Variants in DCDC1 observed in about 807,000 individuals in gnomAD.
DCDC1 encodes the protein doublecortin domain containing 1.
Under a neutral mutation model 178.3 loss-of-function variants are expected in DCDC1, and 200 were observed. That is an observed-to-expected ratio of 1.12 (90% CI 1.00 to 1.26). DCDC1 has a LOEUF of 1.26. DCDC1 is among the 50% of genes most tolerant of loss of function. DCDC1 has a pLI of 0.00. For missense variants in DCDC1, 1,983 were observed against 1,749.2 expected (o/e 1.13, Z -2.38); for synonymous variants, 690 against 604.8 (o/e 1.14, Z -2.07).
intron 38 of DCDC1, among the ~76,000 whole-genome samples, chr11:30,876,389 G>A (rs887893736): frequency 3.3e-5 from 5 of 152,158 alleles, no homozygotes; most frequent in Admixed American, 1.3e-4. Flanking sequence ...CAAAGAGGAA[G>A]GTCAAGAGTA....
chr11:31,188,325 T>C (rs1346616234), intron 9 of DCDC1, among the ~76,000 whole-genome samples: 1 of 152,142 alleles, frequency 6.6e-6, no homozygotes, highest in Non-Finnish European at 1.5e-5. Flanking sequence ...CATTATCCAT[T>C]GCAGCATTAA....
intron 13 of DCDC1, among the ~76,000 whole-genome samples, chr11:31,104,050 C>T (rs1958687314): frequency 6.6e-6 from 1 of 152,014 alleles, no homozygotes; most frequent in African/African-American, 2.4e-5. Flanking sequence ...TTGAGAAAAA[C>T]AATCGTCATT....
Position 30,881,236 on chromosome 11 carries a change from G to C in DCDC1, c.5155C>G (p.Pro1719Ala). Reference sequence around the variant, plus strand: ...TCTATGTCGTCCCAGGACTGAATTGGCTCTCCACTGGGGGTGTACAGTGCT... The same window carrying C: ...TCTATGTCGTCCCAGGACTGAATTGCCTCTCCACTGGGGGTGTACAGTGCT... The part of the protein sequence containing the change: ...ARALYTPSGE[P>A]IQSWDDIERD... Residue 1719 changes from proline (P) to alanine (A), a missense_variant, in exon 37 of 39, where the codon CCA (proline) becomes GCA (alanine). By Grantham distance (27) the Pro-to-Ala change is conservative. Coordinates refer to ENST00000684477, the MANE Select transcript of DCDC1 (RefSeq NM_001387274.1). 6.2e-7 allele frequency: 1 copy of C among 1,613,556 alleles called. No individual in the cohort carries two copies. The highest frequency in any genetic ancestry group is 8.5e-7 in the Non-Finnish European group (1 of 1,179,630).
At chr11:30,886,886 G>C (rs1270243969) in intron 36 of DCDC1, among the ~76,000 whole-genome samples, 1 of 151,774 alleles carries the variant, frequency 6.6e-6, no homozygotes, top group Non-Finnish European at 1.5e-5. Flanking sequence ...ATCCCAGAAA[G>C]ACATATTTCT....
chr11:31,117,396 C>A (rs1413856644), intron 11 of DCDC1, among the ~76,000 whole-genome samples: 2 of 150,108 alleles, frequency 1.3e-5, no homozygotes, highest in African/African-American at 4.9e-5. Flanking sequence ...AAAAAAAATT[C>A]TAAACTACTA....
At chr11:30,956,722 T>A (rs552316930) in intron 20 of DCDC1, among the ~76,000 whole-genome samples, 12 of 152,282 alleles carry the variant, frequency 7.9e-5, no homozygotes, top group Non-Finnish European at 1.5e-4. Flanking sequence ...ATAAATTTTA[T>A]TTTAGGATAA....
At chr11:30,996,771 A>G (rs1333547791) in intron 20 of DCDC1, among the ~76,000 whole-genome samples, 1 of 152,206 alleles carries the variant, frequency 6.6e-6, no homozygotes, top group Non-Finnish European at 1.5e-5. Context: ...AGAATTACTC[A>G]GTCTCAGGTA....
rs145197853 is a variant in DCDC1 at position 30,868,401 on chromosome 11, C to T, written c.*41-3069G>A. On this transcript the variant is annotated intron_variant, in intron 38 of 38. Transcript: ENST00000684477. ...AAGTAGCTGGGATTACAAGTGCCCA[C>T]CACCACACGTGGTTAATTTTTGTAT... Among the ~76,000 whole-genome samples the T allele has an allele frequency of 6.9e-3, 1,042 of 152,054 alleles. 12 individuals are homozygous for T. Among genetic ancestry groups the T allele is most frequent in the African/African-American group, 0.024 (993 of 41,460 alleles).
At chr11:31,181,249 G>A (rs939850053) in intron 9 of DCDC1, among the ~76,000 whole-genome samples, 3 of 152,182 alleles carry the variant, frequency 2.0e-5, no homozygotes, top group Admixed American at 2.0e-4. Context: ...CATTTCCATG[G>A]GACAGAGCAC....
At chr11:30,961,433 A>C (rs1457608379) in intron 20 of DCDC1, among the ~76,000 whole-genome samples, 2 of 152,206 alleles carry the variant, frequency 1.3e-5, no homozygotes, top group Non-Finnish European at 2.9e-5. Context: ...AGCAAATTCC[A>C]GCTCAAATAA....
intron 1 of DCDC1, among the ~76,000 whole-genome samples, chr11:31,341,436 T>TAGAC (rs1173942844): frequency 2.5e-5 from 3 of 121,514 alleles, no homozygotes; most frequent in African/African-American, 3.3e-5. Flanking sequence ...GATAGATAGA[T>TAGAC]AGACATGTGT....
intron 9 of DCDC1, among the ~76,000 whole-genome samples, chr11:31,143,443 C>T (rs1443266964): frequency 6.6e-6 from 1 of 152,048 alleles, no homozygotes; most frequent in Non-Finnish European, 1.5e-5. Flanking sequence ...ATGGCTGATC[C>T]AATCAGCTGA....
intron 9 of DCDC1, among the ~76,000 whole-genome samples, chr11:31,197,598 GTA>G (rs1970834157): frequency 6.6e-6 from 1 of 152,018 alleles, no homozygotes; most frequent in Non-Finnish European, 1.5e-5. Flanking sequence ...TCTGATTTGA[GTA>G]TCTGTATTCT....
chr11:31,067,808 G>A (rs933652950), intron 18 of DCDC1, among the ~76,000 whole-genome samples: 2 of 152,150 alleles, frequency 1.3e-5, no homozygotes, highest in African/African-American at 4.8e-5. Flanking sequence ...CATATTATAT[G>A]AGTCCATTTA....
intron 27 of DCDC1, among the ~76,000 whole-genome samples, chr11:30,914,071 A>G (rs1288201885): frequency 6.6e-6 from 1 of 152,270 alleles, no homozygotes; most frequent in Admixed American, 6.5e-5. Context: ...AACAGCTCCT[A>G]AAACACTGCC....
intron 7 of DCDC1, among the ~76,000 whole-genome samples, chr11:31,287,269 C>T (rs1946904819): frequency 6.6e-6 from 1 of 151,496 alleles, no homozygotes; most frequent in Non-Finnish European, 1.5e-5. Flanking sequence ...AGAGAAAACA[C>T]AGACTGTACA....
intron 20 of DCDC1, among the ~76,000 whole-genome samples, chr11:30,979,631 A>G: frequency 6.6e-6 from 1 of 152,180 alleles, no homozygotes; most frequent in Non-Finnish European, 1.5e-5. Context: ...CAGTGAGGGA[A>G]ATCAGGTCCA....
chr11:30,971,976 A>G (rs919287179), intron 20 of DCDC1, among the ~76,000 whole-genome samples: 1 of 152,210 alleles, frequency 6.6e-6, no homozygotes, highest in Admixed American at 6.5e-5. Flanking sequence ...TCTACATTAC[A>G]TATGGCACAC....
chr11:30,921,572 C>A (rs1193502075), intron 24 of DCDC1, among the ~76,000 whole-genome samples: 2 of 152,150 alleles, frequency 1.3e-5, no homozygotes, highest in Admixed American at 1.3e-4. Context: ...CTGTAGCTCC[C>A]ACTTACTGTA....
Sources: gnomAD v4.1 joint callset for allele counts (sites outside exome capture counted in the v4.1 genomes callset) on GRCh38, gnomAD v4.1.1 for gene constraint, MANE v1.5 for transcripts, NCBI Gene and HGNC (gene_info 2026-07-23, HGNC 2026-07-21) for gene names.